The following AXDND1 variants were observed in gnomAD, a reference collection of about 807,000 sequenced individuals.
AXDND1 encodes axonemal dynein light chain domain-containing protein 1.
AXDND1 carries 110 observed loss-of-function variants against 137.5 expected under a neutral mutation model. The ratio of observed to expected loss-of-function variants is 0.80; its 90% CI spans 0.69 to 0.94. AXDND1 has a LOEUF of 0.94. Among genes scored for constraint, AXDND1 ranks in the 40% least tolerant of loss-of-function variants. AXDND1 has a pLI of 0.00. For missense variants in AXDND1, 1,191 were observed against 1,169.8 expected (o/e 1.02, Z -0.26); for synonymous variants, 414 against 399.7 (o/e 1.04, Z -0.43).
At chr1:179,468,838 A>G (rs1663561438) in intron 17 of AXDND1, 197 bp downstream of exon 17, 1 of 380,748 alleles carries the variant, frequency 2.6e-6, no homozygotes, top group African/African-American at 2.1e-5. Context: ...TTTAGCTATC[A>G]TTCTGCAATC....
At chr1:179,457,900 G>C (rs1661646278) in intron 16 of AXDND1, among the ~76,000 whole-genome samples, 1 of 152,186 alleles carries the variant, frequency 6.6e-6, no homozygotes, top group Admixed American at 6.5e-5. Flanking sequence ...GTGGTAACTA[G>C]AATAGGATTG....
intron 5 of AXDND1, 44 bp downstream of exon 5, chr1:179,378,801 C>T: frequency 7.2e-7 from 1 of 1,382,922 alleles, no homozygotes; most frequent in Non-Finnish European, 9.5e-7. Context: ...CCTCTGTCTA[C>T]TTTTAAAAAT....
intron 16 of AXDND1, chr1:179,455,954 C>CAA (rs962318449): frequency 1.2e-4 from 28 of 228,144 alleles, no homozygotes; most frequent in South Asian, 2.3e-4. Context: ...GCATGGGTGC[C>CAA]AAAAAAAAAA....
chr1:179,484,322 C>T (rs1225584296), intron 18 of AXDND1, among the ~76,000 whole-genome samples: 1 of 152,146 alleles, frequency 6.6e-6, no homozygotes, highest in African/African-American at 2.4e-5. Flanking sequence ...GTCAGGGGTG[C>T]CTATCCCCCA....
intron 4 of AXDND1, among the ~76,000 whole-genome samples, chr1:179,374,111 A>T (rs1235514506): frequency 1.3e-5 from 2 of 152,172 alleles, no homozygotes; most frequent in Non-Finnish European, 2.9e-5. Flanking sequence ...GAATCTACAA[A>T]GAACTCAAAC....
At chr1:179,473,396 G>A (rs1353593951) in intron 17 of AXDND1, among the ~76,000 whole-genome samples, 1 of 152,022 alleles carries the variant, frequency 6.6e-6, no homozygotes, top group Non-Finnish European at 1.5e-5. Context: ...TACTTGGGAG[G>A]CTGAGGCAGG....
intron 23 of AXDND1, among the ~76,000 whole-genome samples, chr1:179,530,715 G>T (rs1572185071): frequency 6.6e-6 from 1 of 152,128 alleles, no homozygotes; most frequent in South Asian, 2.1e-4. Context: ...AACTGTCTAG[G>T]TTCTGATTAA....
intron 20 of AXDND1, chr1:179,506,901 A>C: frequency 1.0e-6 from 1 of 985,368 alleles, no homozygotes; most frequent in Non-Finnish European, 1.2e-6. Context: ...GGTAGTAGGA[A>C]TCTTACTCTC....
rs561147430 is a variant in AXDND1 at position 179,393,956 on chromosome 1, A to G, written c.917A>G (p.Tyr306Cys). The G allele has an allele frequency of 4.3e-6, 7 of 1,612,450 alleles. No homozygotes were observed. Among genetic ancestry groups the G allele is most frequent in the South Asian group, 2.2e-5 (2 of 90,772 alleles). ...ATTGCTCGGCAGATGATTGATTTCT[A>G]CAAAGACTTGGTAACTCAGCGAGTG... is the stretch of plus-strand genomic sequence containing the variant. ...DQIARQMIDFYKDLVTQRVMD... is the reference protein window; with the variant it reads ...DQIARQMIDFCKDLVTQRVMD... The change falls in exon 10 of 26, where the codon TAC becomes TGC. Residue 306 changes from tyrosine (Y) to cysteine (C), a missense_variant. Tyr to Cys is a radical substitution (Grantham distance 194). Transcript: ENST00000367618.
intron 25 of AXDND1, among the ~76,000 whole-genome samples, chr1:179,541,190 A>G (rs1318382997): frequency 6.6e-6 from 1 of 152,198 alleles, no homozygotes; most frequent in Non-Finnish European, 1.5e-5. Context: ...CGGGAAAAGC[A>G]TAGTATTTTG....
intron 11 of AXDND1, among the ~76,000 whole-genome samples, chr1:179,404,285 A>G (rs1042246250): frequency 1.2e-4 from 18 of 149,672 alleles, no homozygotes; most frequent in Non-Finnish European, 2.4e-4. Flanking sequence ...GCAGTGGCAC[A>G]ATCTTGGCTC....
chr1:179,443,468 T>C (rs970023547), intron 15 of AXDND1, among the ~76,000 whole-genome samples: 11 of 152,200 alleles, frequency 7.2e-5, no homozygotes, highest in Admixed American at 5.2e-4. Context: ...AATATATTTA[T>C]ATTGTTGTAC....
At chr1:179,451,243 G>T (rs558235658) in intron 16 of AXDND1, 5 of 151,872 alleles carry the variant, frequency 3.3e-5, no homozygotes, top group African/African-American at 1.2e-4. Flanking sequence ...GTGGGTTTTT[G>T]ATTACGGACT....
At chr1:179,417,847 T>C (rs917317044) in intron 12 of AXDND1, among the ~76,000 whole-genome samples, 19 of 152,144 alleles carry the variant, frequency 1.2e-4, no homozygotes, top group African/African-American at 4.6e-4. Flanking sequence ...TCCATGAGCA[T>C]GGAATATATT....
At chr1:179,475,970 T>G (rs1664575085) in intron 17 of AXDND1, among the ~76,000 whole-genome samples, 1 of 152,194 alleles carries the variant, frequency 6.6e-6, no homozygotes, top group Non-Finnish European at 1.5e-5. Flanking sequence ...TTATGCAATA[T>G]GATGGTTTTA....
intron 11 of AXDND1, among the ~76,000 whole-genome samples, chr1:179,398,388 C>T (rs1651400037): frequency 6.6e-6 from 1 of 152,132 alleles, no homozygotes; most frequent in East Asian, 1.9e-4. Flanking sequence ...GCTCCTGGAC[C>T]ACTGGTCACT....
intron 12 of AXDND1, among the ~76,000 whole-genome samples, chr1:179,417,363 T>C (rs1443472919): frequency 6.6e-6 from 1 of 152,208 alleles, no homozygotes; most frequent in Non-Finnish European, 1.5e-5. Context: ...TAATTGCTTT[T>C]TCTTTCTTTT....
intron 9 of AXDND1, among the ~76,000 whole-genome samples, chr1:179,390,549 T>C (rs1303565124): frequency 6.6e-6 from 1 of 152,222 alleles, no homozygotes; most frequent in Non-Finnish European, 1.5e-5. Flanking sequence ...CGTTAAGTCA[T>C]GCTGTTAGAT....
chr1:179,456,424 A>G (rs1481899050), intron 16 of AXDND1: 27 of 772,178 alleles, frequency 3.5e-5, no homozygotes, highest in Non-Finnish European at 6.2e-5. Context: ...CTACCTCCAA[A>G]ACTGCTTCCA....
Sources: allele counts gnomAD v4.1 joint callset (sites outside exome capture counted in the v4.1 genomes callset), GRCh38; gene constraint gnomAD v4.1.1; transcripts MANE v1.5; gene names NCBI Gene and HGNC (gene_info 2026-07-23, HGNC 2026-07-21).